FAM219A: variants seen among roughly 807,000 people sequenced by gnomAD.
FAM219A encodes the protein protein FAM219A.
A neutral mutation model predicts 23.4 loss-of-function variants in FAM219A; 7 were observed. The ratio of observed to expected loss-of-function variants is 0.30; its 90% CI spans 0.17 to 0.56. The LOEUF (loss-of-function observed/expected upper bound fraction) is 0.56, where lower values mean the gene tolerates loss of function less well. Ranked by LOEUF, FAM219A falls within the 20% of genes least tolerant of loss-of-function variation. The pLI is 0.92. For missense variants in FAM219A, 166 were observed against 246.9 expected (o/e 0.67, Z 2.20); for synonymous variants, 93 against 99.0 (o/e 0.94, Z 0.36).
At chr9:34,420,665 T>C (rs1443113734) in intron 1 of FAM219A, among the ~76,000 whole-genome samples, 2 of 152,122 alleles carry the variant, frequency 1.3e-5, no homozygotes, top group Non-Finnish European at 1.5e-5. Flanking sequence ...CTGAGAGTCC[T>C]GTCCTAAGAG....
intron 1 of FAM219A, among the ~76,000 whole-genome samples, chr9:34,455,729 A>T (rs1823706627): frequency 6.6e-6 from 1 of 152,184 alleles, no homozygotes; most frequent in South Asian, 2.1e-4. Context: ...CTGAAGAAAC[A>T]TCACACAAGA....
chr9:34,436,216 A>G (rs1822910738), intron 1 of FAM219A, among the ~76,000 whole-genome samples: 1 of 151,710 alleles, frequency 6.6e-6, no homozygotes, highest in Non-Finnish European at 1.5e-5. Context: ...ATGTATGTGT[A>G]TTTATTTATA....
chr9:34,398,208 C>A lies in FAM219A; in HGVS notation c.*2756G>T. The A allele has an allele frequency of 1.3e-6, 2 of 1,495,214 alleles. No homozygotes were observed. The highest frequency in any genetic ancestry group is 1.8e-6 in the Non-Finnish European group (2 of 1,097,834). 92.6% of individuals were successfully genotyped at this position (1,495,214 alleles called of 1,614,324 possible). The stretch of plus-strand genomic sequence containing the variant: ...CTGGCTTGTTTGATGCTTTTAATAT[C>A]ATTATTTGTGTTACACGATACACAA... On this transcript the variant is annotated 3_prime_UTR_variant, in exon 6 of 6. Transcript: ENST00000651358.
Position 34,458,361 on chromosome 9 carries a change from AC to A in FAM219A, c.-99del. On this transcript the variant is annotated 5_prime_UTR_variant, in exon 1 of 6. Transcript: ENST00000651358. The surrounding 1 kb of genome is among the most constrained non-coding windows in gnomAD (Gnocchi z 6.6). Reference sequence around the variant, plus strand: ...CCCAGGAGCCCGGCGGGTGGTGCAGACTAGGCCTCCCCGGACCACTCGGGCG... The same window carrying A: ...CCCAGGAGCCCGGCGGGTGGTGCAGATAGGCCTCCCCGGACCACTCGGGCG... 1.1e-6 allele frequency: 1 copy of A among 889,052 alleles called. No individual in the cohort carries two copies. The highest frequency in any genetic ancestry group is 1.4e-6 in the Non-Finnish European group (1 of 689,736). The allele number at this position is 889,052 out of a possible 1,614,324, so 55.1% of individuals were successfully genotyped here. A position where few individuals can be genotyped will look rare whatever the true frequency, so the allele number is the denominator to read the frequency against.
intron 1 of FAM219A, among the ~76,000 whole-genome samples, chr9:34,432,321 ACCTCT>A (rs1192369464): frequency 1.3e-5 from 2 of 151,704 alleles, no homozygotes; most frequent in Non-Finnish European, 1.5e-5. Context: ...CACCACCCTC[ACCTCT>A]TCCTACCTGC....
chr9:34,441,354 C>G (rs922558319), intron 1 of FAM219A, among the ~76,000 whole-genome samples: 2 of 152,208 alleles, frequency 1.3e-5, no homozygotes, highest in Admixed American at 1.3e-4. Context: ...TAGGAAGATT[C>G]AGAGAGCAGA....
intron 1 of FAM219A, among the ~76,000 whole-genome samples, chr9:34,447,693 C>A (rs1823421063): frequency 6.6e-6 from 1 of 152,162 alleles, no homozygotes; most frequent in Non-Finnish European, 1.5e-5. Context: ...TGGCCAACCA[C>A]TCATATGAAA....
chr9:34,403,979 A>AGG (rs919615352), intron 2 of FAM219A, among the ~76,000 whole-genome samples: 23 of 152,214 alleles, frequency 1.5e-4, no homozygotes, highest in Admixed American at 1.4e-3. Context: ...CCAGGCCTCT[A>AGG]GGGGGTGCAA....
intron 1 of FAM219A, among the ~76,000 whole-genome samples, chr9:34,438,117 C>CGG (rs1822997103): frequency 6.6e-6 from 1 of 152,232 alleles, no homozygotes; most frequent in Admixed American, 6.5e-5. Flanking sequence ...TGCCAGCCCA[C>CGG]GGGCGCTGTG....
At chr9:34,416,253 A>G (rs1456218235) in intron 1 of FAM219A, among the ~76,000 whole-genome samples, 3 of 93,530 alleles carry the variant, frequency 3.2e-5, no homozygotes, top group African/African-American at 1.2e-4. Context: ...GAAAGAAAGA[A>G]AGAAAGGGGG....
At chr9:34,435,813 C>CTT (rs34610997) in intron 1 of FAM219A, among the ~76,000 whole-genome samples, 6 of 149,138 alleles carry the variant, frequency 4.0e-5, no homozygotes, top group South Asian at 2.1e-4. Flanking sequence ...GTTTAGATTG[C>CTT]TTTTTTTTTT....
At chr9:34,430,344 C>T (rs1305591437) in intron 1 of FAM219A, among the ~76,000 whole-genome samples, 1 of 151,942 alleles carries the variant, frequency 6.6e-6, no homozygotes, top group Non-Finnish European at 1.5e-5. Context: ...GCCTAGGCAA[C>T]ATGTCAAAAC....
In FAM219A at chr9:34,421,011, A is replaced by T. The variant is rs141684415; in HGVS notation, c.61-15047T>A. Reference sequence around the variant, plus strand: ...GTGTGTATGTGTGTGTGTGTGTGTGAGAGAGAGAGAGAGAGAGAGAGAGAG... The same window carrying T: ...GTGTGTATGTGTGTGTGTGTGTGTGTGAGAGAGAGAGAGAGAGAGAGAGAG... On this transcript the variant is annotated intron_variant, in intron 1 of 5. Coordinates refer to ENST00000651358, the MANE Select transcript of FAM219A (RefSeq NM_001184940.2). 5.3e-3 allele frequency among the ~76,000 whole-genome samples: 586 copies of T among 110,676 alleles called. 8 individuals carry two copies. Among genetic ancestry groups the T allele is most frequent in the East Asian group, 0.033 (138 of 4,130 alleles). 72.6% of individuals were successfully genotyped at this position (110,676 alleles called of 152,430 possible).
At chr9:34,404,646 T>C (rs1030366314) in intron 2 of FAM219A, among the ~76,000 whole-genome samples, 3 of 152,136 alleles carry the variant, frequency 2.0e-5, no homozygotes, top group African/African-American at 7.2e-5. Context: ...AAGCGGAGGT[T>C]GCAGTGAGCC....
chr9:34,440,682 C>G (rs147333690), intron 1 of FAM219A, among the ~76,000 whole-genome samples: 13 of 152,030 alleles, frequency 8.6e-5, no homozygotes, highest in African/African-American at 3.1e-4. Context: ...AACCCCGTCT[C>G]TACTAAAAAT....
At position 34,418,605 on chromosome 9, in the gene FAM219A, T is replaced by C. The variant is rs558548335; in HGVS notation, c.61-12641A>G. Among the ~76,000 whole-genome samples, 12 of 152,318 alleles carry C rather than the reference T, an allele frequency of 7.9e-5. No individual in the cohort carries two copies. In the East Asian group the frequency reaches 2.1e-3, roughly 27 times the overall value. ...ATGTTGAGGATGCTCCTGCCTTACATTTGGACCAGTTTAAGACATTGGTCT... is the reference window on the plus strand; with the variant it reads ...ATGTTGAGGATGCTCCTGCCTTACACTTGGACCAGTTTAAGACATTGGTCT... On this transcript the variant is annotated intron_variant, in intron 1 of 5. Coordinates refer to ENST00000651358, the MANE Select transcript of FAM219A (RefSeq NM_001184940.2).
intron 1 of FAM219A, among the ~76,000 whole-genome samples, chr9:34,440,911 T>G (rs979518761): frequency 4.0e-5 from 6 of 151,254 alleles, no homozygotes; most frequent in African/African-American, 1.5e-4. Flanking sequence ...CAGGCTAGAG[T>G]GCAGTGGCTA....
At chr9:34,435,661 T>C (rs2131989434) in intron 1 of FAM219A, among the ~76,000 whole-genome samples, 1 of 152,364 alleles carries the variant, frequency 6.6e-6, no homozygotes, top group Non-Finnish European at 1.5e-5. Context: ...ATGTGCGCTT[T>C]ACCACAATGA....
At chr9:34,402,338 A>G in intron 4 of FAM219A, 49 bp downstream of exon 4, 1 of 1,614,160 alleles carries the variant, frequency 6.2e-7, no homozygotes, top group Non-Finnish European at 8.5e-7. Context: ...CACTTGTGCT[A>G]TACAGGTTCC....
Sources: allele counts gnomAD v4.1 joint callset (sites outside exome capture counted in the v4.1 genomes callset), GRCh38; gene constraint gnomAD v4.1.1; non-coding constraint Gnocchi (gnomAD v3.1); transcripts MANE v1.5; gene names NCBI Gene and HGNC (gene_info 2026-07-23, HGNC 2026-07-21).